DAP3: variants seen among roughly 807,000 people sequenced by gnomAD.
DAP3 encodes death associated protein 3, also known as small ribosomal subunit protein mS29.
In DAP3, 28 loss-of-function variants were observed where a neutral mutation model predicts 51.9. The observed-to-expected ratio is 0.54, with a 90% CI of 0.40 to 0.74. DAP3 has a LOEUF of 0.74. Among genes scored for constraint, DAP3 ranks in the 30% least tolerant of loss-of-function variants. DAP3 has a pLI of 0.00. For synonymous variants in DAP3, 170 were observed against 170.3 expected (o/e 1.00, Z 0.01); for missense variants, 458 against 483.5 (o/e 0.95, Z 0.49).
At chr1:155,688,356 G>A, upstream of DAP3, 6 of 1,547,920 alleles carry the variant, frequency 3.9e-6, no homozygotes, top group Non-Finnish European at 5.2e-6. Context: ...GGCCGCGGCA[G>A]CTCCTCCAGA....
intron 2 of DAP3, among the ~76,000 whole-genome samples, chr1:155,716,433 C>T (rs1657345653): frequency 1.3e-5 from 2 of 151,808 alleles, no homozygotes; most frequent in Admixed American, 6.6e-5. Context: ...ATTAGCCAGG[C>T]GTGGTGGCGG....
chr1:155,731,264 CAA>C (rs111619259), intron 9 of DAP3, 90 bp from the exon 10 acceptor site: 5,269 of 1,082,138 alleles, frequency 4.9e-3, no homozygotes, highest in South Asian at 6.2e-3. Context: ...GAGACTCTGT[CAA>C]AAAAAAAAAA....
upstream of DAP3, chr1:155,688,631 C>CTGCAG: frequency 6.5e-7 from 1 of 1,534,578 alleles, no homozygotes; most frequent in African/African-American, 1.4e-5. Flanking sequence ...CCTGTCAAGC[C>CTGCAG]GGCTCCAGCG....
intron 11 of DAP3, among the ~76,000 whole-genome samples, chr1:155,735,545 C>T (rs1462957789): frequency 6.6e-6 from 1 of 151,042 alleles, no homozygotes; most frequent in African/African-American, 2.4e-5. Flanking sequence ...CCATTGCACT[C>T]TAGCCTGGGC....
chr1:155,721,006 C>T (rs1657930796), intron 3 of DAP3, among the ~76,000 whole-genome samples: 1 of 150,896 alleles, frequency 6.6e-6, no homozygotes, highest in African/African-American at 2.4e-5. Context: ...CATTGCACTC[C>T]AGCCTGGGTG....
At chr1:155,698,772 A>G (rs183588238) in intron 1 of DAP3, among the ~76,000 whole-genome samples, 60 of 152,362 alleles carry the variant, frequency 3.9e-4, no homozygotes, top group Admixed American at 5.9e-4. Context: ...ACTACGCTTC[A>G]AGAGCTGCCA....
At chr1:155,704,029 C>T (rs1361105979) in intron 1 of DAP3, among the ~76,000 whole-genome samples, 1 of 152,124 alleles carries the variant, frequency 6.6e-6, no homozygotes, top group Admixed American at 6.5e-5. Flanking sequence ...TGCCTGTAGT[C>T]CCAGTTACTT....
chr1:155,718,739 GATAGATAGAT>G (rs1185931518), intron 3 of DAP3, among the ~76,000 whole-genome samples: 2 of 148,824 alleles, frequency 1.3e-5, no homozygotes, highest in African/African-American at 5.1e-5. Flanking sequence ...TAGATAGATA[GATAGATAGAT>G]ATAGATATAG....
chr1:155,720,978 A>G (rs1657926879), intron 3 of DAP3, among the ~76,000 whole-genome samples: 1 of 151,922 alleles, frequency 6.6e-6, no homozygotes, highest in African/African-American at 2.4e-5. Flanking sequence ...CGGGGGTTGC[A>G]GTGAGCCGAG....
At chr1:155,722,639 T>C (rs1658134329) in intron 4 of DAP3, among the ~76,000 whole-genome samples, 1 of 151,960 alleles carries the variant, frequency 6.6e-6, no homozygotes, top group South Asian at 2.1e-4. Flanking sequence ...TAAATCTTGC[T>C]GCTGCTCACT....
chr1:155,711,076 C>A (rs1302154312), intron 2 of DAP3, among the ~76,000 whole-genome samples: 1 of 151,858 alleles, frequency 6.6e-6, no homozygotes, highest in Non-Finnish European at 1.5e-5. Context: ...TGCATGTGCC[C>A]CCTTCCCTCA....
At chr1:155,723,226 C>T (rs2149178672) in intron 4 of DAP3, among the ~76,000 whole-genome samples, 1 of 152,218 alleles carries the variant, frequency 6.6e-6, no homozygotes, top group East Asian at 1.9e-4. Context: ...TGACCACAGC[C>T]CACAGCACAC....
intron 3 of DAP3, among the ~76,000 whole-genome samples, chr1:155,720,658 AC>A (rs1370531044): frequency 1.2e-4 from 19 of 152,016 alleles, no homozygotes; most frequent in Admixed American, 9.2e-4. Flanking sequence ...CAAAAAAAAA[AC>A]AAAACAAACA....
intron 1 of DAP3, among the ~76,000 whole-genome samples, chr1:155,698,615 C>T (rs1654807969): frequency 6.6e-6 from 1 of 152,182 alleles, no homozygotes; most frequent in African/African-American, 2.4e-5. Context: ...AAGGAATTTC[C>T]TTTCCCTTTC....
At chr1:155,689,915 A>G (rs1272405630) in intron 1 of DAP3, among the ~76,000 whole-genome samples, 1 of 152,082 alleles carries the variant, frequency 6.6e-6, no homozygotes, top group Admixed American at 6.5e-5. Context: ...CGTCACACAC[A>G]CACACACACA....
intron 4 of DAP3, among the ~76,000 whole-genome samples, chr1:155,722,331 C>T (rs1182563624): frequency 6.6e-6 from 1 of 152,122 alleles, no homozygotes; most frequent in Non-Finnish European, 1.5e-5. Context: ...CGCTTGAGCT[C>T]AGGAGGTGAG....
At chr1:155,726,784 C>CA (rs530179771) in intron 6 of DAP3, 12,991 of 91,272 alleles carry the variant, frequency 0.14, 868 homozygotes, top group Middle Eastern at 0.27. Context: ...GACCCTGTCT[C>CA]AAAAAAAAAA....
At chr1:155,688,566 C>T, upstream of DAP3, 1 of 1,538,128 alleles carries the variant, frequency 6.5e-7, no homozygotes, top group Non-Finnish European at 8.7e-7. Context: ...CCAGCCATCC[C>T]GTACGCGCTC....
chr1:155,723,325 G>A (rs887606768), intron 4 of DAP3, among the ~76,000 whole-genome samples: 2 of 152,018 alleles, frequency 1.3e-5, no homozygotes, highest in African/African-American at 4.8e-5. Context: ...ACAGCTCCCA[G>A]CCCTGATGTG....
Sources: gnomAD v4.1 joint callset for allele counts (sites outside exome capture counted in the v4.1 genomes callset) on GRCh38, gnomAD v4.1.1 for gene constraint, MANE v1.5 for transcripts, NCBI Gene and HGNC (gene_info 2026-07-23, HGNC 2026-07-21) for gene names.